The following KSR2 variants were observed in gnomAD, a reference collection of about 807,000 sequenced individuals.
KSR2 encodes the protein kinase suppressor of ras 2.
In KSR2, 25 loss-of-function variants were observed where a neutral mutation model predicts 107.8. The ratio of observed to expected loss-of-function variants is 0.23; its 90% CI spans 0.17 to 0.32. The LOEUF (loss-of-function observed/expected upper bound fraction) is 0.32. Among genes scored for constraint, KSR2 ranks in the 10% least tolerant of loss-of-function variants. The pLI, the probability that KSR2 is intolerant of heterozygous loss-of-function variation, is 1.00. For synonymous variants in KSR2, 480 were observed against 507.0 expected, an observed-to-expected ratio of 0.95 and a Z score of 0.71; for missense variants, 887 against 1,268.9, an observed-to-expected ratio of 0.70 and a Z score of 4.57.
intron 5 of KSR2, among the ~76,000 whole-genome samples, chr12:117,615,211 A>C (rs1881805611): frequency 7.3e-6 from 1 of 136,408 alleles, no homozygotes; most frequent in African/African-American, 2.7e-5. Context: ...TTCTCTCTTC[A>C]GTTACACACA....
intron 14 of KSR2, among the ~76,000 whole-genome samples, chr12:117,489,588 C>A (rs1319683664): frequency 6.7e-6 from 1 of 148,410 alleles, no homozygotes; most frequent in African/African-American, 2.5e-5. Flanking sequence ...AAAGAATTAA[C>A]AATTAATATA....
rs551144188 is a variant in KSR2, at chr12:117,761,033, C to T, written c.964G>A (p.Val322Met). 2 of 1,613,724 alleles carry T rather than the reference C, an allele frequency of 1.2e-6. No homozygotes were observed. Among genetic ancestry groups the T allele is most frequent in the East Asian group, 2.2e-5 (1 of 44,866 alleles). Reference sequence around the variant, plus strand: ...CACTTGGGCGTGTGGGCCTCGTCCACGCGGTGCCCCAGCTGGAACTCGTGG... The same window carrying T: ...CACTTGGGCGTGTGGGCCTCGTCCATGCGGTGCCCCAGCTGGAACTCGTGG... The part of the protein sequence containing the change: ...KSHEFQLGHR[V>M]DEAHTPKAKK... The change falls in exon 4 of 20, where the codon GTG (valine) becomes ATG (methionine). Residue 322 changes from valine to methionine, a missense_variant. Val to Met is a conservative substitution (Grantham distance 21, BLOSUM62 1). Around this residue, in one of 8 missense-constraint regions of KSR2, gnomAD observed 399 missense variants for 479.5 expected, o/e 0.83. Coordinates refer to ENST00000339824, the MANE Select transcript of KSR2 (RefSeq NM_173598.6).
At chr12:117,667,292 T>A (rs1051099952) in intron 5 of KSR2, among the ~76,000 whole-genome samples, 182 bp downstream of exon 5, 1 of 152,122 alleles carries the variant, frequency 6.6e-6, no homozygotes, top group Non-Finnish European at 1.5e-5. Flanking sequence ...CAAATGGGCA[T>A]GAGTGGCATA....
At chr12:117,834,093 A>G (rs1022897466) in intron 3 of KSR2, among the ~76,000 whole-genome samples, 7 of 151,916 alleles carry the variant, frequency 4.6e-5, no homozygotes, top group Non-Finnish European at 1.0e-4. Context: ...GTGAGCCAAG[A>G]TCAGGCTACT....
chr12:117,823,458 C>T (rs918492589), intron 3 of KSR2, among the ~76,000 whole-genome samples: 7 of 152,030 alleles, frequency 4.6e-5, no homozygotes, highest in Admixed American at 4.6e-4. Flanking sequence ...GAGTGAGGGT[C>T]GGGCTGGAAT....
At chr12:117,577,897 C>T (rs1008546224) in intron 7 of KSR2, among the ~76,000 whole-genome samples, 2 of 152,146 alleles carry the variant, frequency 1.3e-5, no homozygotes, top group Non-Finnish European at 2.9e-5. Context: ...GATGAAAATA[C>T]TAGGGACAGA....
chr12:117,967,245 A>T (rs1282404339), intron 1 of KSR2, among the ~76,000 whole-genome samples: 1 of 151,756 alleles, frequency 6.6e-6, no homozygotes, highest in Non-Finnish European at 1.5e-5. Context: ...CCCCCAAAAA[A>T]CTGTTTCAAA....
intron 4 of KSR2, among the ~76,000 whole-genome samples, chr12:117,748,980 G>C (rs749680192): frequency 6.6e-6 from 1 of 151,534 alleles, no homozygotes; most frequent in Non-Finnish European, 1.5e-5. Context: ...GGTATAGAAC[G>C]CACAGCAGAA....
intron 3 of KSR2, among the ~76,000 whole-genome samples, chr12:117,851,927 C>T (rs1892941537): frequency 6.6e-6 from 1 of 151,276 alleles, no homozygotes; most frequent in Non-Finnish European, 1.5e-5. Context: ...CTAGCATCTA[C>T]TAAATGATAT....
At chr12:117,755,795 C>T (rs1165141259) in intron 4 of KSR2, among the ~76,000 whole-genome samples, 1 of 152,156 alleles carries the variant, frequency 6.6e-6, no homozygotes, top group Non-Finnish European at 1.5e-5. Flanking sequence ...GCCAAATGGT[C>T]AAGTTGTGAA....
intron 1 of KSR2, among the ~76,000 whole-genome samples, chr12:117,890,458 G>A: frequency 6.6e-6 from 1 of 152,166 alleles, no homozygotes. Flanking sequence ...CCAGAGTAAA[G>A]GGAACAACCT....
At chr12:117,725,654 T>TA (rs1407015529) in intron 4 of KSR2, among the ~76,000 whole-genome samples, 6 of 152,066 alleles carry the variant, frequency 3.9e-5, no homozygotes, top group Non-Finnish European at 7.4e-5. Flanking sequence ...CACTAAACAT[T>TA]AAAAAAATTA....
chr12:117,469,532 G>A, intron 19 of KSR2, 130 bp downstream of exon 19: 2 of 1,066,186 alleles, frequency 1.9e-6, no homozygotes, highest in Non-Finnish European at 2.7e-6. Context: ...GGGAAGAGTG[G>A]TTGCCGAAGG....
chr12:117,604,280 T>C (rs527940937), intron 5 of KSR2, among the ~76,000 whole-genome samples: 1 of 152,334 alleles, frequency 6.6e-6, no homozygotes, highest in African/African-American at 2.4e-5. Context: ...AGCTTTTGAC[T>C]GGAGGCTACA....
chr12:117,632,963 A>G lies in KSR2; in HGVS notation c.1171+34511T>C, dbSNP rs1285261516. Among the ~76,000 whole-genome samples, 3 of 152,068 alleles carry G rather than the reference A, an allele frequency of 2.0e-5. No homozygotes were observed. The East Asian group carries it at 5.8e-4, about 29-fold the overall frequency. ...GCTGATGGGCATTGAGGTGGATTCC[A>G]TGTCTTTGCTATTGTGAATAGTGCT... On this transcript the variant is annotated intron_variant, in intron 5 of 19. Transcript: ENST00000339824.
chr12:117,913,831 A>G (rs1455973854), intron 1 of KSR2, among the ~76,000 whole-genome samples: 2 of 150,656 alleles, frequency 1.3e-5, no homozygotes, highest in Non-Finnish European at 3.0e-5. Flanking sequence ...TAACACACAT[A>G]CCTCTCCCCC....
intron 1 of KSR2, among the ~76,000 whole-genome samples, chr12:117,865,560 T>C (rs1893440852): frequency 1.3e-5 from 2 of 152,196 alleles, no homozygotes; most frequent in African/African-American, 4.8e-5. Context: ...TCTCACCATG[T>C]TACCCAGGCT....
At chr12:117,500,889 C>T (rs942873928) in intron 14 of KSR2, among the ~76,000 whole-genome samples, 9 of 152,250 alleles carry the variant, frequency 5.9e-5, no homozygotes, top group South Asian at 2.1e-4. Context: ...AGGCCTCGAG[C>T]GCTGGGCCAC....
At chr12:117,537,465 G>A (rs1238669543) in intron 10 of KSR2, among the ~76,000 whole-genome samples, 1 of 152,196 alleles carries the variant, frequency 6.6e-6, no homozygotes, top group African/African-American at 2.4e-5. Context: ...CAATGAAACT[G>A]TCACCCTGCT....
Sources: gnomAD v4.1 joint callset for allele counts (sites outside exome capture counted in the v4.1 genomes callset) on GRCh38, gnomAD v4.1.1 for gene constraint, gnomAD v4.1.1 regional missense constraint, MANE v1.5 for transcripts, NCBI Gene and HGNC (gene_info 2026-07-23, HGNC 2026-07-21) for gene names.